The following AFTPH variants were observed in gnomAD, a reference collection of about 807,000 sequenced individuals.
AFTPH encodes the protein aftiphilin.
In AFTPH, 7 loss-of-function variants were observed where a neutral mutation model predicts 72.5. The ratio of observed to expected loss-of-function variants is 0.10; its 90% CI spans 0.05 to 0.18. AFTPH has a LOEUF of 0.18. Among genes scored for constraint, AFTPH ranks in the 10% least tolerant of loss-of-function variants. AFTPH has a pLI of 1.00. For synonymous variants in AFTPH, 337 were observed against 370.1 expected (o/e 0.91, Z 1.03); for missense variants, 979 against 1,060.5 (o/e 0.92, Z 1.07).
rs564237961 is a variant in AFTPH, at chr2:64,585,714, G to C, written c.2579+169G>C. Among the ~76,000 whole-genome samples the C allele has an allele frequency of 2.6e-5, 4 of 152,276 alleles. No homozygotes were observed. In the South Asian group the frequency reaches 8.3e-4, roughly 32 times the overall value. ...ATATTATCAAATTATGTTTAATTATGAACTTTATTAGAACAGGATTATTTC... is the reference window on the plus strand; with the variant it reads ...ATATTATCAAATTATGTTTAATTATCAACTTTATTAGAACAGGATTATTTC... On this transcript the variant is annotated intron_variant, in intron 8 of 8. Transcript: ENST00000238856.
At chr2:64,565,507 C>T (rs1338594462) in intron 2 of AFTPH, among the ~76,000 whole-genome samples, 12 of 144,092 alleles carry the variant, frequency 8.3e-5, no homozygotes, top group Non-Finnish European at 1.5e-4. Flanking sequence ...TTTGTTCATT[C>T]TATTAGTTGC....
intron 2 of AFTPH, among the ~76,000 whole-genome samples, chr2:64,562,482 C>T (rs1219704281): frequency 6.6e-6 from 1 of 151,962 alleles, no homozygotes; most frequent in African/African-American, 2.4e-5. Flanking sequence ...GCTTTGATGA[C>T]AACATAATAT....
chr2:64,581,004 A>G (rs1374557770), intron 7 of AFTPH, 186 bp from the exon 8 acceptor site: 1 of 414,766 alleles, frequency 2.4e-6, no homozygotes, highest in Non-Finnish European at 4.3e-6. Flanking sequence ...TATTTTAGAA[A>G]TGTCCTTAGT....
At chr2:64,552,344 C>T (rs769760598) in exon 2 of AFTPH, 12 of 1,613,942 alleles carry the variant, frequency 7.4e-6, no homozygotes, top group Admixed American at 1.7e-5. Flanking sequence ...ACAAAGGAGA[C>T]ACTGATGGAG....
At chr2:64,579,326 C>T (rs1264388940) in intron 6 of AFTPH, among the ~76,000 whole-genome samples, 160 bp from the exon 7 acceptor site, 3 of 152,084 alleles carry the variant, frequency 2.0e-5, no homozygotes, top group Non-Finnish European at 4.4e-5. Flanking sequence ...TCAGTTTGTG[C>T]TGATATTTGC....
chr2:64,579,532 C>G, exon 7 of AFTPH: 1 of 1,613,854 alleles, frequency 6.2e-7, no homozygotes. Flanking sequence ...AGTGGCCTTA[C>G]TAACCCTTTA....
chr2:64,592,043 G>C, exon 9 of AFTPH: 1 of 1,595,056 alleles, frequency 6.3e-7, no homozygotes, highest in Non-Finnish European at 8.6e-7. Context: ...TAACTGATGT[G>C]AATTGGACAG....
intron 2 of AFTPH, among the ~76,000 whole-genome samples, chr2:64,557,741 C>G (rs1671468523): frequency 6.6e-6 from 1 of 152,198 alleles, no homozygotes; most frequent in Non-Finnish European, 1.5e-5. Context: ...CTGGAACATA[C>G]AACTGAAAAC....
chr2:64,586,684 T>C (rs1415067757), intron 8 of AFTPH, among the ~76,000 whole-genome samples: 3 of 152,242 alleles, frequency 2.0e-5, no homozygotes, highest in Non-Finnish European at 4.4e-5. Flanking sequence ...GCCAGTTCTC[T>C]CCATTGTTCT....
At chr2:64,527,722 C>G (rs1669364523) in intron 1 of AFTPH, among the ~76,000 whole-genome samples, 1 of 152,070 alleles carries the variant, frequency 6.6e-6, no homozygotes, top group Admixed American at 6.5e-5. Context: ...TTTTAAAATA[C>G]AAGGAGCTTC....
intron 1 of AFTPH, among the ~76,000 whole-genome samples, chr2:64,550,727 ACAC>A (rs935585562): frequency 2.1e-5 from 3 of 141,632 alleles, no homozygotes; most frequent in Non-Finnish European, 3.1e-5. Flanking sequence ...ACACACACAC[ACAC>A]AACTGGTGAA....
exon 2 of AFTPH, chr2:64,551,547 G>C: frequency 6.2e-7 from 1 of 1,614,108 alleles, no homozygotes; most frequent in Non-Finnish European, 8.5e-7. Flanking sequence ...GGATGATGAT[G>C]ATGATGAATT....
At position 64,592,102 on chromosome 2, in the gene AFTPH, T is replaced by C. The variant is rs1414848959; in HGVS notation, c.*67T>C. ...CATCCCTTCCCTACCATCAAAAGCA[T>C]ACCTGCTCTAATTAAAAAAAAAAAA... On this transcript the variant is annotated 3_prime_UTR_variant, in exon 9 of 9. Transcript: ENST00000238856. 7 of 1,157,970 alleles carry C rather than the reference T, an allele frequency of 6.0e-6. No individual in the cohort carries two copies. In the African/African-American group the frequency reaches 9.0e-5, roughly 15 times the overall value. The allele number at this position is 1,157,970 out of a possible 1,614,324, so 71.7% of individuals were successfully genotyped here. A position where few individuals can be genotyped will look rare whatever the true frequency, so the allele number is the denominator to read the frequency against.
chr2:64,581,613 G>T (rs1036491854), intron 7 of AFTPH, among the ~76,000 whole-genome samples: 2 of 150,680 alleles, frequency 1.3e-5, no homozygotes, highest in African/African-American at 4.9e-5. Context: ...ATTCTATAAA[G>T]CCATTTGAAA....
chr2:64,585,469 T>C, exon 8 of AFTPH: 2 of 1,613,806 alleles, frequency 1.2e-6, no homozygotes, highest in Non-Finnish European at 1.7e-6. Flanking sequence ...GCTGGAAATC[T>C]CCACCTCAAG....
chr2:64,552,283 T>C (rs1355534409), exon 2 of AFTPH: 2 of 1,613,758 alleles, frequency 1.2e-6, no homozygotes, highest in Non-Finnish European at 1.7e-6. Context: ...ATTAATAGAG[T>C]CAATGAACTG....
chr2:64,537,441 T>C (rs995061339), intron 1 of AFTPH, among the ~76,000 whole-genome samples: 3 of 152,156 alleles, frequency 2.0e-5, no homozygotes, highest in Non-Finnish European at 4.4e-5. Flanking sequence ...TTTAAAAAAT[T>C]AAAAATTTTA....
chr2:64,552,486 G>T (rs1241058889), exon 2 of AFTPH: 2 of 1,613,990 alleles, frequency 1.2e-6, no homozygotes, highest in Admixed American at 3.3e-5. Flanking sequence ...TTGGAGTTTG[G>T]TAGACTCAGC....
intron 7 of AFTPH, 59 bp from the exon 8 acceptor site, chr2:64,581,131 C>A: frequency 7.8e-7 from 1 of 1,276,384 alleles, no homozygotes. Flanking sequence ...CACATAACCC[C>A]TCCTCCCTTG....
Sources: gnomAD v4.1 joint callset for allele counts (sites outside exome capture counted in the v4.1 genomes callset) on GRCh38, gnomAD v4.1.1 for gene constraint, MANE v1.5 for transcripts, NCBI Gene and HGNC (gene_info 2026-07-23, HGNC 2026-07-21) for gene names.